Variants in C2CD3 observed in about 807,000 individuals in gnomAD.
The protein encoded by C2CD3 is C2 domain containing 3 centriole elongation regulator.
Under a neutral mutation model 234.0 loss-of-function variants are expected in C2CD3, and 148 were observed. The observed-to-expected ratio is 0.63, with a 90% CI of 0.55 to 0.72. The LOEUF is 0.72. C2CD3 is among the 30% of genes least tolerant of loss of function. The pLI is 0.00. For missense variants in C2CD3, 2,577 were observed against 2,811.5 expected, an observed-to-expected ratio of 0.92 and a Z score of 1.89; for synonymous variants, 1,000 against 1,035.4, an observed-to-expected ratio of 0.97 and a Z score of 0.66.
At chr11:74,116,813 CACACACATATATACGTGTGTGTATATAT>C (rs1470024865) in intron 9 of C2CD3, among the ~76,000 whole-genome samples, 6 of 131,060 alleles carry the variant, frequency 4.6e-5, no homozygotes, top group Admixed American at 1.5e-4. Flanking sequence ...TATATATATA[CACACACATATATACGTGTGTGTATATAT>C]ACACGTGTAT....
At chr11:74,096,155 C>T (rs1487162726) in intron 16 of C2CD3, among the ~76,000 whole-genome samples, 2 of 152,164 alleles carry the variant, frequency 1.3e-5, no homozygotes, top group Non-Finnish European at 2.9e-5. Context: ...AGTGATTTAA[C>T]ATGCAGAGCT....
chr11:74,134,277 A>G (rs966239262), intron 5 of C2CD3, among the ~76,000 whole-genome samples: 1 of 152,224 alleles, frequency 6.6e-6, no homozygotes, highest in African/African-American at 2.4e-5. Context: ...ATGATTCCAC[A>G]TCCTATGCTT....
At chr11:74,161,337 A>T (rs1468790233) in intron 3 of C2CD3, 62 bp downstream of exon 3, 2 of 972,324 alleles carry the variant, frequency 2.1e-6, no homozygotes, top group Non-Finnish European at 3.0e-6. Context: ...CTACAAACAG[A>T]CTCAACTATT....
intron 22 of C2CD3, among the ~76,000 whole-genome samples, chr11:74,079,261 G>A (rs1261707259): frequency 1.3e-5 from 2 of 152,130 alleles, no homozygotes; most frequent in East Asian, 1.9e-4. Context: ...TCTATTGCCC[G>A]CCTGGGCAGT....
chr11:74,062,955 C>A (rs1334386936), intron 24 of C2CD3, among the ~76,000 whole-genome samples: 1 of 152,150 alleles, frequency 6.6e-6, no homozygotes, highest in Non-Finnish European at 1.5e-5. Flanking sequence ...GATATCACTA[C>A]TCATCCCACA....
intron 25 of C2CD3, 48 bp from the exon 26 acceptor site, chr11:74,054,719 G>A (rs765430513): frequency 5.0e-5 from 65 of 1,299,174 alleles, no homozygotes; most frequent in Middle Eastern, 1.9e-4. Context: ...GGAACTTTCT[G>A]TAGTATAAAA....
chr11:74,115,233 CAT>C (rs985699214), intron 9 of C2CD3, among the ~76,000 whole-genome samples: 1 of 151,186 alleles, frequency 6.6e-6, no homozygotes, highest in African/African-American at 2.4e-5. Flanking sequence ...TATATACATA[CAT>C]ATATATACAC....
rs1168635691 is a variant in C2CD3, at chr11:74,117,143, AAT to A, written c.1520+1083_1520+1084del. Among the ~76,000 whole-genome samples the A allele has an allele frequency of 6.1e-3, 87 of 14,376 alleles. 1 individual carries two copies. The highest frequency in any genetic ancestry group is 7.8e-3 in the Non-Finnish European group (67 of 8,644). The allele number at this position is 14,376 out of a possible 152,430, so 9.4% of individuals were successfully genotyped here. ...ATATATATATGAATATATATATATG[AAT>A]ATATATATATGAATATATATATATG... On this transcript the variant is annotated intron_variant, in intron 9 of 32. Coordinates refer to ENST00000334126, the MANE Select transcript of C2CD3 (RefSeq NM_001286577.2).
chr11:74,151,726 G>A (rs1051818551), intron 3 of C2CD3, among the ~76,000 whole-genome samples: 1 of 152,144 alleles, frequency 6.6e-6, no homozygotes, highest in African/African-American at 2.4e-5. Context: ...AGGAAAACAT[G>A]CCCTATAACC....
At chr11:74,075,183 T>A (rs899737321) in intron 23 of C2CD3, among the ~76,000 whole-genome samples, 1 of 152,198 alleles carries the variant, frequency 6.6e-6, no homozygotes, top group East Asian at 1.9e-4. Context: ...AGAGCTGTTG[T>A]GGAAGGGATT....
chr11:74,165,531 A>G (rs967494167), intron 2 of C2CD3, among the ~76,000 whole-genome samples: 1 of 152,244 alleles, frequency 6.6e-6, no homozygotes, highest in African/African-American at 2.4e-5. Flanking sequence ...AAGAGTAAAT[A>G]AAATAATAAT....
At chr11:74,146,790 C>T (rs1357208407) in intron 3 of C2CD3, among the ~76,000 whole-genome samples, 5 of 151,200 alleles carry the variant, frequency 3.3e-5, no homozygotes, top group East Asian at 3.9e-4. Context: ...CGGTGGCTCA[C>T]GTCTGTAATC....
intron 32 of C2CD3, among the ~76,000 whole-genome samples, chr11:74,015,893 C>A (rs1448408536): frequency 1.3e-5 from 2 of 149,342 alleles, no homozygotes; most frequent in Admixed American, 6.6e-5. Flanking sequence ...ATAGGGAAAC[C>A]CTGTCTCAAA....
Position 74,115,964 on chromosome 11 carries a change from A to C in C2CD3, c.1521-1371T>G, listed in dbSNP as rs569907742. Reference sequence around the variant, plus strand: ...TGGATGTTCATCTCTCACCTTATAAAACTATCGACTCAAGATGGATCAAGG... The same window carrying C: ...TGGATGTTCATCTCTCACCTTATAACACTATCGACTCAAGATGGATCAAGG... On this transcript the variant is annotated intron_variant, in intron 9 of 32. Coordinates refer to ENST00000334126, the MANE Select transcript of C2CD3 (RefSeq NM_001286577.2). Among the ~76,000 whole-genome samples the C allele has an allele frequency of 6.6e-4, 100 of 152,328 alleles. 1 individual carries two copies. Among genetic ancestry groups the C allele is most frequent in the Non-Finnish European group, 1.2e-3 (82 of 68,032 alleles).
intron 5 of C2CD3, among the ~76,000 whole-genome samples, chr11:74,135,255 G>A (rs1439012119): frequency 6.6e-6 from 1 of 150,976 alleles, no homozygotes; most frequent in Admixed American, 6.6e-5. Flanking sequence ...TTTTGCAGAT[G>A]TAATTATTTA....
intron 7 of C2CD3, 137 bp downstream of exon 7, chr11:74,132,707 T>C (rs1422327626): frequency 1.3e-6 from 1 of 778,456 alleles, no homozygotes; most frequent in African/African-American, 1.7e-5. Flanking sequence ...TAGTAGGCAA[T>C]AGTGATAGTT....
intron 9 of C2CD3, among the ~76,000 whole-genome samples, chr11:74,116,930 G>GTA (rs1227772767): frequency 9.4e-6 from 1 of 106,112 alleles, no homozygotes; most frequent in Non-Finnish European, 1.9e-5. Flanking sequence ...ATATACACGT[G>GTA]TATATACACA....
chr11:74,170,222 ATACTC>A (rs1265741670), intron 1 of C2CD3, among the ~76,000 whole-genome samples: 2 of 152,066 alleles, frequency 1.3e-5, no homozygotes, highest in Admixed American at 6.5e-5. Context: ...TCCCGGCTCT[ATACTC>A]TACAATTATT....
At chr11:74,046,742 T>C (rs929036216) in intron 28 of C2CD3, among the ~76,000 whole-genome samples, 3 of 152,228 alleles carry the variant, frequency 2.0e-5, no homozygotes, top group African/African-American at 7.2e-5. Context: ...TAATATTTCA[T>C]TGTATGGATA....
Sources: gnomAD v4.1 joint callset for allele counts (sites outside exome capture counted in the v4.1 genomes callset) on GRCh38, gnomAD v4.1.1 for gene constraint, MANE v1.5 for transcripts, NCBI Gene and HGNC (gene_info 2026-07-23, HGNC 2026-07-21) for gene names.